NRG3: variants seen among roughly 807,000 people sequenced by gnomAD.
The protein encoded by NRG3 is pro-neuregulin-3, membrane-bound isoform.
A neutral mutation model predicts 66.9 loss-of-function variants in NRG3; 31 were observed. That is an observed-to-expected ratio of 0.46 (90% CI 0.35 to 0.63). The LOEUF (loss-of-function observed/expected upper bound fraction) is 0.63. Ranked by LOEUF, NRG3 falls within the 20% of genes least tolerant of loss-of-function variation. The pLI is 0.00. For missense variants in NRG3, 910 were observed against 878.9 expected (o/e 1.04, Z -0.45); for synonymous variants, 393 against 359.4 (o/e 1.09, Z -1.06).
At chr10:82,031,835 C>T (rs1411653497) in intron 1 of NRG3, among the ~76,000 whole-genome samples, 1 of 152,038 alleles carries the variant, frequency 6.6e-6, no homozygotes, top group Non-Finnish European at 1.5e-5. Context: ...CCACTTCCTT[C>T]CCCACAAGTA....
intron 3 of NRG3, among the ~76,000 whole-genome samples, chr10:82,765,481 C>T (rs982780161): frequency 2.6e-5 from 4 of 151,910 alleles, no homozygotes; most frequent in South Asian, 2.1e-4. Context: ...CTCACTGTAG[C>T]GAAGAAAATG....
chr10:82,017,247 C>T (rs947806762), intron 1 of NRG3, among the ~76,000 whole-genome samples: 1 of 152,140 alleles, frequency 6.6e-6, no homozygotes, highest in Non-Finnish European at 1.5e-5. Flanking sequence ...ATCCATGTCC[C>T]TACAAAGGAC....
intron 2 of NRG3, among the ~76,000 whole-genome samples, chr10:82,559,430 C>G (rs904685459): frequency 6.6e-6 from 1 of 152,158 alleles, no homozygotes; most frequent in East Asian, 1.9e-4. Context: ...TTCATTGAAC[C>G]AAACTCACCC....
chr10:82,296,433 T>C (rs1004248047), intron 1 of NRG3, among the ~76,000 whole-genome samples: 1 of 152,182 alleles, frequency 6.6e-6, no homozygotes, highest in African/African-American at 2.4e-5. Context: ...AGAAGAGATA[T>C]TCACGGCTAA....
At chr10:82,895,486 CTTT>C (rs57655284) in intron 4 of NRG3, among the ~76,000 whole-genome samples, 1 of 128,326 alleles carries the variant, frequency 7.8e-6, no homozygotes. Flanking sequence ...CAATAACATT[CTTT>C]TTTTTTTTTT....
At chr10:82,213,820 A>G (rs2075522816) in intron 1 of NRG3, among the ~76,000 whole-genome samples, 2 of 152,182 alleles carry the variant, frequency 1.3e-5, no homozygotes, top group South Asian at 2.1e-4. Flanking sequence ...ATATGTTTTC[A>G]AAGCAAGTTT....
At chr10:82,094,671 A>G (rs950437216) in intron 1 of NRG3, among the ~76,000 whole-genome samples, 10 of 152,184 alleles carry the variant, frequency 6.6e-5, no homozygotes, top group Admixed American at 3.3e-4. Flanking sequence ...TATATATATC[A>G]CATTTCATGG....
At position 82,660,196 on chromosome 10, in the gene NRG3, CAAAAAAAAAAAAAAAAAA is replaced by C. The variant is rs58870828; in HGVS notation, c.954-78359_954-78342del. 1.4e-3 allele frequency among the ~76,000 whole-genome samples: 27 copies of C among 19,562 alleles called. 1 individual carries two copies. The highest frequency in any genetic ancestry group is 1.6e-3 in the Non-Finnish European group (17 of 10,364). 12.8% of individuals were successfully genotyped at this position (19,562 alleles called of 152,430 possible). ...GGGCGACAAGAGCAAAACTCCCTCTCAAAAAAAAAAAAAAAAAAAAAAAAAAAAAAAAAAAAAAACTGG... is the reference window on the plus strand; with the variant it reads ...GGGCGACAAGAGCAAAACTCCCTCTCAAAAAAAAAAAAAAAAAAAAACTGG... On this transcript the variant is annotated intron_variant, in intron 2 of 8. Coordinates refer to ENST00000372141, the MANE Select transcript of NRG3 (RefSeq NM_001010848.4).
chr10:82,044,162 TA>T (rs35649949), intron 1 of NRG3, among the ~76,000 whole-genome samples: 131,061 of 152,010 alleles, frequency 0.86, 58,436 homozygotes, highest in South Asian at 0.99. Context: ...CTGTACCACA[TA>T]AGTTTATTGT....
chr10:82,536,470 A>G (rs879281425), intron 2 of NRG3, among the ~76,000 whole-genome samples: 1 of 152,174 alleles, frequency 6.6e-6, no homozygotes, highest in Admixed American at 6.5e-5. Context: ...TTGCTTTTGC[A>G]CTTTAAGAAC....
intron 1 of NRG3, among the ~76,000 whole-genome samples, chr10:81,947,413 A>G (rs973857642): frequency 5.3e-5 from 8 of 152,132 alleles, no homozygotes; most frequent in Non-Finnish European, 1.2e-4. Context: ...CACAACAGTA[A>G]CCAAAATGAC....
chr10:82,434,927 C>T (rs1416154226), intron 2 of NRG3, among the ~76,000 whole-genome samples: 2 of 151,860 alleles, frequency 1.3e-5, no homozygotes, highest in East Asian at 1.9e-4. Context: ...TGTGTCTTCC[C>T]GGTTTTGGTA....
At chr10:82,761,964 C>CTTTCTTTCTTTCT in intron 3 of NRG3, among the ~76,000 whole-genome samples, 1 of 110,044 alleles carries the variant, frequency 9.1e-6, no homozygotes, top group Non-Finnish European at 2.0e-5. Context: ...TTCTTTCTTT[C>CTTTCTTTCTTTCT]TTTCTTTCTT....
intron 1 of NRG3, among the ~76,000 whole-genome samples, chr10:82,341,886 G>A (rs2082706132): frequency 6.6e-6 from 1 of 151,912 alleles, no homozygotes; most frequent in Non-Finnish European, 1.5e-5. Context: ...CTCTGTTTCT[G>A]AGTTATTTTA....
chr10:82,113,798 C>T (rs1345995209), intron 1 of NRG3, among the ~76,000 whole-genome samples: 3 of 152,114 alleles, frequency 2.0e-5, no homozygotes, highest in Non-Finnish European at 2.9e-5. Flanking sequence ...ATATTTGCAA[C>T]TTTTCTGTAA....
At chr10:82,782,329 G>C (rs916181244) in intron 3 of NRG3, among the ~76,000 whole-genome samples, 3 of 152,138 alleles carry the variant, frequency 2.0e-5, no homozygotes, top group African/African-American at 7.2e-5. Context: ...TCCTGCATGT[G>C]CTGTCTCACC....
chr10:82,246,210 A>G (rs2077236613), intron 1 of NRG3, among the ~76,000 whole-genome samples: 1 of 152,162 alleles, frequency 6.6e-6, no homozygotes, highest in African/African-American at 2.4e-5. Context: ...TTATTTTAAA[A>G]AGAAAAGACT....
intron 2 of NRG3, among the ~76,000 whole-genome samples, chr10:82,404,269 C>A (rs1209781864): frequency 6.6e-6 from 1 of 152,110 alleles, no homozygotes; most frequent in Non-Finnish European, 1.5e-5. Context: ...TTTCTTGGTA[C>A]TCATTGGACT....
At chr10:82,333,460 G>A (rs555425018) in intron 1 of NRG3, among the ~76,000 whole-genome samples, 2 of 152,200 alleles carry the variant, frequency 1.3e-5, no homozygotes, top group Non-Finnish European at 2.9e-5. Flanking sequence ...AAGAGTTACT[G>A]CTACATGGAG....
Sources: allele counts gnomAD v4.1 joint callset (sites outside exome capture counted in the v4.1 genomes callset), GRCh38; gene constraint gnomAD v4.1.1; transcripts MANE v1.5; gene names NCBI Gene and HGNC (gene_info 2026-07-23, HGNC 2026-07-21).